PHGDH: variants seen among roughly 807,000 people sequenced by gnomAD.
PHGDH encodes the protein phosphoglycerate dehydrogenase.
Under a neutral mutation model 52.6 loss-of-function variants are expected in PHGDH, and 50 were observed. That is an observed-to-expected ratio of 0.95 (90% CI 0.76 to 1.20). The LOEUF is 1.20. PHGDH is among the 50% of genes most tolerant of loss of function. The pLI is 0.00. For synonymous variants in PHGDH, 271 were observed against 280.5 expected, an observed-to-expected ratio of 0.97 and a Z score of 0.34; for missense variants, 630 against 684.6, an observed-to-expected ratio of 0.92 and a Z score of 0.89.
intron 2 of PHGDH, 115 bp from the exon 3 acceptor site, chr1:119,723,261 C>T: frequency 1.2e-6 from 1 of 846,664 alleles, no homozygotes; most frequent in South Asian, 1.3e-5. Flanking sequence ...GTGGCGTGGT[C>T]AGTTCATGGA....
intron 10 of PHGDH, 161 bp from the exon 11 acceptor site, chr1:119,742,646 C>T: frequency 1.5e-6 from 1 of 664,000 alleles, no homozygotes; most frequent in East Asian, 2.7e-5. Flanking sequence ...CCGAAGGGCA[C>T]ACAGCTTGGC....
chr1:119,732,278 G>C (rs1651728288), intron 5 of PHGDH, among the ~76,000 whole-genome samples: 1 of 152,214 alleles, frequency 6.6e-6, no homozygotes. Flanking sequence ...GGAGCCACCA[G>C]CTGCCCTGGA....
chr1:119,723,544 G>A (rs1327313163), intron 3 of PHGDH, 103 bp downstream of exon 3: 1 of 903,872 alleles, frequency 1.1e-6, no homozygotes, highest in East Asian at 2.4e-5. Flanking sequence ...TTTCGTCTCA[G>A]CGACTTGCAG....
chr1:119,725,410 G>A (rs894326868), intron 3 of PHGDH, among the ~76,000 whole-genome samples: 3 of 152,160 alleles, frequency 2.0e-5, no homozygotes, highest in African/African-American at 4.8e-5. Flanking sequence ...GAGGAGAGAG[G>A]GGCCAGGTGG....
In PHGDH at chr1:119,721,221, A is replaced by G. The variant is rs1651144156; in HGVS notation, c.190A>G (p.Ile64Val). The change falls in exon 2 of 12, where the codon ATC becomes GTC. Residue 64 changes from isoleucine to valine, a missense_variant. By Grantham distance (29) the Ile-to-Val change is conservative (BLOSUM62 3). Coordinates refer to ENST00000641023, the MANE Select transcript of PHGDH (RefSeq NM_006623.4). ...TGCCACCAAGGTGACCGCTGATGTC[A>G]TCAACGCAGCTGAGAAACTCCAGGT... ...RSATKVTADV[I>V]NAAEKLQVVG... The G allele has an allele frequency of 3.7e-6, 6 of 1,614,224 alleles. No individual in the cohort carries two copies. The highest frequency in any genetic ancestry group is 4.5e-5 in the East Asian group (2 of 44,888).
At chr1:119,723,271 A>T in intron 2 of PHGDH, 105 bp from the exon 3 acceptor site, 1 of 899,620 alleles carries the variant, frequency 1.1e-6, no homozygotes, top group Non-Finnish European at 1.9e-6. Flanking sequence ...CAGTTCATGG[A>T]GCAGGAGTGA....
At chr1:119,734,138 C>T (rs1294310155) in intron 5 of PHGDH, among the ~76,000 whole-genome samples, 1 of 152,186 alleles carries the variant, frequency 6.6e-6, no homozygotes, top group Non-Finnish European at 1.5e-5. Flanking sequence ...TGGACTGGAC[C>T]CTCCAGCTGC....
Position 119,732,753 on chromosome 1 carries a change from AC to A in PHGDH, c.511-1876del, listed in dbSNP as rs1651753321. ...AGATGCTCACCTGCTCCTCTCCCCA[AC>A]CCCCTCCCTCCAGCCCCAGTCACCT... is the stretch of plus-strand genomic sequence containing the variant. On this transcript the variant is annotated intron_variant, in intron 5 of 11. Transcript: ENST00000641023. Among the ~76,000 whole-genome samples, 3 of 151,148 alleles carry A rather than the reference AC, an allele frequency of 2.0e-5. No homozygotes were observed. The South Asian group carries it at 6.3e-4, about 32-fold the overall frequency.
At chr1:119,721,919 G>A (rs1651185629) in intron 2 of PHGDH, among the ~76,000 whole-genome samples, 4 of 152,256 alleles carry the variant, frequency 2.6e-5, no homozygotes, top group Admixed American at 2.6e-4. Context: ...CAGGGGCAGA[G>A]GTCATCAGCA....
chr1:119,719,749 A>C (rs1032673498), intron 1 of PHGDH: 3 of 152,220 alleles, frequency 2.0e-5, no homozygotes, highest in Non-Finnish European at 4.4e-5. Flanking sequence ...GTGCACAACA[A>C]ACACAGTGTG....
chr1:119,737,349 G>A (rs757471705), intron 8 of PHGDH, 83 bp downstream of exon 8: 33 of 1,207,048 alleles, frequency 2.7e-5, no homozygotes, highest in Non-Finnish European at 3.7e-5. Context: ...TGGTGGCAGC[G>A]TGGGTGAATA....
At chr1:119,721,573 C>T (rs1458789455) in intron 2 of PHGDH, 2 of 472,518 alleles carry the variant, frequency 4.2e-6, no homozygotes, top group Non-Finnish European at 7.6e-6. Context: ...ATTGAGAGTC[C>T]CTGCATAATC....
intron 2 of PHGDH, 138 bp downstream of exon 2, chr1:119,721,459 C>G: frequency 1.3e-6 from 1 of 795,780 alleles, no homozygotes; most frequent in South Asian, 1.8e-5. Flanking sequence ...GGTCTAGGGC[C>G]TGCATGGTCA....
intron 1 of PHGDH, among the ~76,000 whole-genome samples, chr1:119,714,641 G>A (rs1650846169): frequency 6.6e-6 from 1 of 152,218 alleles, no homozygotes; most frequent in Non-Finnish European, 1.5e-5. Flanking sequence ...GGCCAAAGGA[G>A]GCAGATCATT....
intron 10 of PHGDH, 66 bp from the exon 11 acceptor site, chr1:119,742,741 C>T: frequency 1.0e-6 from 1 of 978,978 alleles, no homozygotes; most frequent in Non-Finnish European, 1.6e-6. Flanking sequence ...GGTGATTTGG[C>T]CAAGAGAGGA....
chr1:119,718,524 A>G (rs1025696004), intron 1 of PHGDH, among the ~76,000 whole-genome samples: 6 of 152,036 alleles, frequency 3.9e-5, no homozygotes, highest in Non-Finnish European at 8.8e-5. Context: ...AGGTCTACCA[A>G]CTCTTCTTCA....
chr1:119,735,523 T>TA, intron 7 of PHGDH, 80 bp downstream of exon 7: 2 of 1,406,272 alleles, frequency 1.4e-6, no homozygotes, highest in Non-Finnish European at 2.0e-6. Context: ...AAGCCTGGCG[T>TA]TTTACAGAAA....
In PHGDH at chr1:119,724,452, A is replaced by G. The variant is rs587753946; in HGVS notation, c.356+1011A>G. ...GCAGTTTCCATCTGAGCTCTCTGGT[A>G]TTCACTGATATTCACTGGTAGGTGA... On this transcript the variant is annotated intron_variant, in intron 3 of 11. Coordinates refer to ENST00000641023, the MANE Select transcript of PHGDH (RefSeq NM_006623.4). 71 of 318,876 alleles carry G rather than the reference A, an allele frequency of 2.2e-4. 2 individuals are homozygous for G. Among genetic ancestry groups the G allele is most frequent in the South Asian group, 8.2e-4 (29 of 35,276 alleles). The allele number at this position is 318,876 out of a possible 1,614,324, so 19.8% of individuals were successfully genotyped here.
intron 1 of PHGDH, among the ~76,000 whole-genome samples, chr1:119,718,382 G>A (rs1330009398): frequency 6.6e-6 from 1 of 152,206 alleles, no homozygotes; most frequent in Non-Finnish European, 1.5e-5. Context: ...GCACAGTGCT[G>A]GATGTAAAGT....
Sources: allele counts gnomAD v4.1 joint callset (sites outside exome capture counted in the v4.1 genomes callset), GRCh38; gene constraint gnomAD v4.1.1; transcripts MANE v1.5; gene names NCBI Gene and HGNC (gene_info 2026-07-23, HGNC 2026-07-21).